MCOLN2: variants seen among roughly 807,000 people sequenced by gnomAD.
The protein encoded by MCOLN2 is mucolipin-2.
MCOLN2 carries 57 observed loss-of-function variants against 67.5 expected under a neutral mutation model. The ratio of observed to expected loss-of-function variants is 0.84; its 90% CI spans 0.68 to 1.05. The LOEUF (loss-of-function observed/expected upper bound fraction) is 1.05. Among genes scored for constraint, MCOLN2 ranks in the 50% least tolerant of loss-of-function variants. MCOLN2 has a pLI of 0.00. For missense variants in MCOLN2, 620 were observed against 678.8 expected, an observed-to-expected ratio of 0.91 and a Z score of 0.96; for synonymous variants, 246 against 233.3, an observed-to-expected ratio of 1.05 and a Z score of -0.50.
intron 7 of MCOLN2, among the ~76,000 whole-genome samples, chr1:84,941,425 A>C (rs1159964418): frequency 6.6e-6 from 1 of 152,232 alleles, no homozygotes; most frequent in Non-Finnish European, 1.5e-5. Context: ...TGAAGCCGGG[A>C]GGCAGAGTTT....
At chr1:84,944,513 C>T (rs1344715870) in intron 7 of MCOLN2, among the ~76,000 whole-genome samples, 1 of 151,850 alleles carries the variant, frequency 6.6e-6, no homozygotes, top group Non-Finnish European at 1.5e-5. Context: ...GCCTGGGAGA[C>T]AGAGCGAGAC....
chr1:84,961,986 T>C lies in MCOLN2; in HGVS notation c.238-3284A>G, dbSNP rs1402189542. ...AGCAGGAATTTTAAAAAAATTTTCTTTCTCATCAGTCCTCATACCCATCCC... is the reference window on the plus strand; with the variant it reads ...AGCAGGAATTTTAAAAAAATTTTCTCTCTCATCAGTCCTCATACCCATCCC... On this transcript the variant is annotated intron_variant, in intron 2 of 13. Transcript: ENST00000370608. 2.0e-5 allele frequency among the ~76,000 whole-genome samples: 3 copies of C among 152,278 alleles called. No homozygotes were observed. The East Asian group carries it at 5.8e-4, about 29-fold the overall frequency.
chr1:84,990,583 A>G (rs912033825), intron 1 of MCOLN2, among the ~76,000 whole-genome samples: 1 of 152,058 alleles, frequency 6.6e-6, no homozygotes, highest in East Asian at 1.9e-4. Context: ...TAATTTTTTT[A>G]AAGTTACAGA....
In MCOLN2 at chr1:84,931,335, TGGCAGCAAA is replaced by T; in HGVS notation, c.1542+18_1542+26del. The T allele has an allele frequency of 1.5e-6, 2 of 1,307,366 alleles. No homozygotes were observed. The highest frequency in any genetic ancestry group is 3.6e-5 in the Admixed American group (2 of 56,280). The allele number at this position is 1,307,366 out of a possible 1,614,324, so 81.0% of individuals were successfully genotyped here. The stretch of plus-strand genomic sequence containing the variant: ...CTATATAGAATTTGCAGTGATTTTT[TGGCAGCAAA>T]TTTTGATAATTACTTACCTTAATGG... On this transcript the variant is annotated intron_variant, in intron 12 of 13. Transcript: ENST00000370608.
chr1:84,952,582 TA>T (rs771481884), intron 4 of MCOLN2, 52 bp from the exon 5 acceptor site: 1 of 1,139,282 alleles, frequency 8.8e-7, no homozygotes, highest in East Asian at 2.3e-5. Flanking sequence ...AATTAGGTGC[TA>T]AAACTAATGG....
chr1:84,929,983 C>T (rs1661333250), intron 12 of MCOLN2: 2 of 212,798 alleles, frequency 9.4e-6, no homozygotes, highest in Non-Finnish European at 1.9e-5. Flanking sequence ...AATGTCTAGT[C>T]TGGGTATGAT....
chr1:84,997,059 C>T lies in MCOLN2; in HGVS notation c.-187G>A. On this transcript the variant is annotated 5_prime_UTR_variant, in exon 1 of 14. Coordinates refer to ENST00000370608, the MANE Select transcript of MCOLN2 (RefSeq NM_153259.4). ...CAGACCCCGGCCCGAGAGCAGGCGCCGCAGTCGTGGAGTGCGGCGGGCAGT... is the reference window on the plus strand; with the variant it reads ...CAGACCCCGGCCCGAGAGCAGGCGCTGCAGTCGTGGAGTGCGGCGGGCAGT... 1 of 601,862 alleles carries T rather than the reference C, an allele frequency of 1.7e-6. No individual in the cohort carries two copies. Among genetic ancestry groups the T allele is most frequent in the Non-Finnish European group, 2.9e-6 (1 of 340,368 alleles). The allele number at this position is 601,862 out of a possible 1,614,324, so 37.3% of individuals were successfully genotyped here.
At chr1:84,993,699 C>T (rs1216834433) in intron 1 of MCOLN2, among the ~76,000 whole-genome samples, 2 of 149,430 alleles carry the variant, frequency 1.3e-5, no homozygotes, top group Non-Finnish European at 3.0e-5. Flanking sequence ...GGCGCAATCT[C>T]GGCTCACTGC....
chr1:84,942,431 C>T (rs1393133715), intron 7 of MCOLN2, among the ~76,000 whole-genome samples: 1 of 152,186 alleles, frequency 6.6e-6, no homozygotes, highest in African/African-American at 2.4e-5. Flanking sequence ...GCCTCAGTTT[C>T]CTCCTCTGAA....
chr1:84,993,672 G>T (rs373381379), intron 1 of MCOLN2, among the ~76,000 whole-genome samples: 1 of 139,702 alleles, frequency 7.2e-6, no homozygotes, highest in Non-Finnish European at 1.5e-5. Context: ...CGCCCAGGCC[G>T]GACTGCGGAC....
At chr1:84,971,230 A>G (rs559831252) in intron 1 of MCOLN2, among the ~76,000 whole-genome samples, 7 of 152,308 alleles carry the variant, frequency 4.6e-5, no homozygotes, top group African/African-American at 1.7e-4. Flanking sequence ...AAAAAATGAT[A>G]GACATGTAGG....
intron 2 of MCOLN2, among the ~76,000 whole-genome samples, chr1:84,962,847 T>C (rs904996382): frequency 6.6e-6 from 1 of 152,188 alleles, no homozygotes; most frequent in Non-Finnish European, 1.5e-5. Context: ...ATTTTCTTCT[T>C]GGGAAGTAGG....
intron 7 of MCOLN2, among the ~76,000 whole-genome samples, chr1:84,942,083 T>G (rs1384287915): frequency 1.3e-5 from 2 of 152,078 alleles, no homozygotes; most frequent in African/African-American, 4.8e-5. Context: ...GAACAGCACT[T>G]CTCCCACATG....
At position 84,929,675 on chromosome 1, in the gene MCOLN2, A is replaced by G; in HGVS notation, c.1547T>C (p.Phe516Ser). Reference protein sequence around the residue: ...ITDSYDTIKKFQQNGFPETDL... With the variant: ...ITDSYDTIKKSQQNGFPETDL... ...CGTTTCAGGAAACCCATTCTGTTGG[A>G]ATTTCTTTAGAAAGTACACAATGTT... The change falls in exon 13 of 14, where the codon TTC (phenylalanine) becomes TCC (serine). Residue 516 changes from phenylalanine to serine, a missense_variant. Coordinates refer to ENST00000370608, the MANE Select transcript of MCOLN2 (RefSeq NM_153259.4). 1 of 1,612,798 alleles carries G rather than the reference A, an allele frequency of 6.2e-7. No individual in the cohort carries two copies. Among genetic ancestry groups the G allele is most frequent in the Non-Finnish European group, 8.5e-7 (1 of 1,179,110 alleles).
intron 1 of MCOLN2, among the ~76,000 whole-genome samples, chr1:84,995,168 G>A (rs1651084257): frequency 2.0e-5 from 3 of 152,114 alleles, no homozygotes; most frequent in Non-Finnish European, 2.9e-5. Flanking sequence ...AGTGGTCACA[G>A]ATCACCATAA....
At position 84,926,094 on chromosome 1, in the gene MCOLN2, T is replaced by A. The variant is rs1288713183; in HGVS notation, c.*591A>T. 1 of 152,308 alleles carries A rather than the reference T, an allele frequency of 6.6e-6. No homozygotes were observed. The highest frequency in any genetic ancestry group is 1.5e-5 in the Non-Finnish European group (1 of 68,160). 9.4% of individuals were successfully genotyped at this position (152,308 alleles called of 1,614,324 possible). ...TTGTAGAGGTGGGTTTTTGCCATGTTGCCCAGGCTGGTCTCAAGCTCCTGA... is the reference window on the plus strand; with the variant it reads ...TTGTAGAGGTGGGTTTTTGCCATGTAGCCCAGGCTGGTCTCAAGCTCCTGA... On this transcript the variant is annotated 3_prime_UTR_variant, in exon 14 of 14. Coordinates refer to ENST00000370608, the MANE Select transcript of MCOLN2 (RefSeq NM_153259.4).
intron 1 of MCOLN2, among the ~76,000 whole-genome samples, chr1:84,974,970 A>G (rs1032980748): frequency 2.0e-5 from 3 of 152,174 alleles, no homozygotes; most frequent in African/African-American, 4.8e-5. Flanking sequence ...AGGGGAGGGA[A>G]GAGTGGGAAG....
At chr1:84,961,634 T>C (rs752186247) in intron 2 of MCOLN2, among the ~76,000 whole-genome samples, 1 of 151,804 alleles carries the variant, frequency 6.6e-6, no homozygotes, top group Non-Finnish European at 1.5e-5. Context: ...CCCTGCAGAG[T>C]AAGAGTAAGG....
chr1:84,942,641 G>A (rs12402681), intron 7 of MCOLN2, among the ~76,000 whole-genome samples: 26,174 of 152,082 alleles, frequency 0.17, 2,746 homozygotes, highest in South Asian at 0.29. Flanking sequence ...TAGTTGCTAC[G>A]GTTTGAGTTA....
Sources: gnomAD v4.1 joint callset for allele counts (sites outside exome capture counted in the v4.1 genomes callset) on GRCh38, gnomAD v4.1.1 for gene constraint, MANE v1.5 for transcripts, NCBI Gene and HGNC (gene_info 2026-07-23, HGNC 2026-07-21) for gene names.